BLTP1: variants seen among roughly 807,000 people sequenced by gnomAD.
BLTP1 encodes the protein fragile site-associated protein.
the BLTP1 span, among the ~76,000 whole-genome samples, chr4:122,203,250 A>C: frequency 6.6e-6 from 1 of 152,018 alleles, no homozygotes; most frequent in Middle Eastern, 3.4e-3. Context: ...AATTGTTCTT[A>C]AGAGATTTCA....
chr4:122,349,259 A>T, the BLTP1 span: 10 of 1,613,688 alleles, frequency 6.2e-6, no homozygotes, highest in Non-Finnish European at 8.5e-6. This position sits in a 1 kb window ranked among gnomAD's most constrained non-coding sequence, Gnocchi z 4.5. Flanking sequence ...TCACAATTAG[A>T]TTCTAAAGGA....
chr4:122,199,506 A>G, the BLTP1 span: 3 of 1,406,078 alleles, frequency 2.1e-6, no homozygotes, highest in Non-Finnish European at 2.0e-6. Flanking sequence ...ATTGATTTTA[A>G]TTTTCTTATA....
chr4:122,305,118 CA>C, the BLTP1 span: 1 of 1,277,996 alleles, frequency 7.8e-7, no homozygotes, highest in South Asian at 2.2e-5. Flanking sequence ...ATTATAAATT[CA>C]GTGAAAACTC....
At chr4:122,308,250 T>G in the BLTP1 span, 2 of 1,415,282 alleles carry the variant, frequency 1.4e-6, no homozygotes, top group Non-Finnish European at 1.9e-6. Flanking sequence ...AGTACATTTT[T>G]CAGTGTAACA....
chr4:122,194,097 C>T, the BLTP1 span, among the ~76,000 whole-genome samples: 3 of 152,124 alleles, frequency 2.0e-5, no homozygotes, highest in East Asian at 1.9e-4. Flanking sequence ...CTCCTGACCT[C>T]GTGATCCGCC....
the BLTP1 span, chr4:122,224,994 A>G: frequency 9.6e-7 from 1 of 1,038,360 alleles, no homozygotes. Flanking sequence ...TTAAAATTAT[A>G]TTACTTGGCC....
the BLTP1 span, among the ~76,000 whole-genome samples, chr4:122,296,904 T>G: frequency 6.6e-6 from 1 of 152,198 alleles, no homozygotes; most frequent in African/African-American, 2.4e-5. Context: ...CTTTACACCT[T>G]ATACAAAAAT....
At chr4:122,292,819 T>A in the BLTP1 span, 3 of 171,068 alleles carry the variant, frequency 1.8e-5, no homozygotes, top group Admixed American at 2.0e-4. Context: ...CTAATGGAGG[T>A]CCTCTTGGTA....
chr4:122,269,309 T>C, the BLTP1 span: 1 of 531,596 alleles, frequency 1.9e-6, no homozygotes, highest in Non-Finnish European at 2.4e-6. Flanking sequence ...AGCTGTAGCC[T>C]ATTTATTGGC....
At chr4:122,199,972 GATTATT>G in the BLTP1 span, 4 of 970,154 alleles carry the variant, frequency 4.1e-6, no homozygotes, top group Non-Finnish European at 3.7e-6. Context: ...TAATCAAGCA[GATTATT>G]ATTATTATTA....
the BLTP1 span, among the ~76,000 whole-genome samples, chr4:122,199,103 C>T: frequency 6.8e-4 from 103 of 152,200 alleles, no homozygotes; most frequent in Non-Finnish European, 1.2e-3. Context: ...AAAGAATAGA[C>T]TTGTAGTTTT....
chr4:122,325,940 AT>A, the BLTP1 span: 2 of 798,220 alleles, frequency 2.5e-6, no homozygotes, highest in Non-Finnish European at 3.5e-6. Context: ...AACAATATAA[AT>A]TTTGCTTTAA....
chr4:122,316,606 A>T, the BLTP1 span: 2 of 1,302,984 alleles, frequency 1.5e-6, no homozygotes, highest in African/African-American at 2.9e-5. Context: ...TCAATGGAGA[A>T]TTCCAACCTT....
the BLTP1 span, chr4:122,271,671 T>C: frequency 6.2e-7 from 1 of 1,600,040 alleles, no homozygotes; most frequent in Non-Finnish European, 8.5e-7. Context: ...TATTCACTTA[T>C]CTCCGATCCA....
At chr4:122,154,413 CTT>C in the BLTP1 span, 15 of 984,478 alleles carry the variant, frequency 1.5e-5, no homozygotes, top group African/African-American at 1.8e-5. Context: ...AGTCATTTTA[CTT>C]GACTTTTGAG....
At chr4:122,197,132 A>C in the BLTP1 span, 1 of 799,340 alleles carries the variant, frequency 1.3e-6, no homozygotes, top group South Asian at 2.2e-5. Flanking sequence ...AATAACTGAA[A>C]AGTAAAGATG....
the BLTP1 span, chr4:122,328,373 T>A: frequency 6.3e-7 from 1 of 1,592,490 alleles, no homozygotes; most frequent in Non-Finnish European, 8.6e-7. Context: ...TAACCTTATT[T>A]TAAGATCATA....
At chr4:122,165,900 G>A in the BLTP1 span, among the ~76,000 whole-genome samples, 9 of 149,632 alleles carry the variant, frequency 6.0e-5, no homozygotes, top group East Asian at 4.0e-4. Flanking sequence ...CATATCCTTC[G>A]CCCACTTTTT....
chr4:122,343,683 A>G, the BLTP1 span: 1 of 1,510,592 alleles, frequency 6.6e-7, no homozygotes, highest in Non-Finnish European at 9.1e-7. Context: ...ATTTTCATAA[A>G]TCATAAGGAC....
Sources: gnomAD v4.1 joint callset for allele counts (sites outside exome capture counted in the v4.1 genomes callset) on GRCh38, gnomAD v4.1.1 for gene constraint, Gnocchi (gnomAD v3.1) non-coding constraint, MANE v1.5 for transcripts, NCBI Gene and HGNC (gene_info 2026-07-23, HGNC 2026-07-21) for gene names.